The following TRPC4AP variants were observed in gnomAD, a reference collection of about 807,000 sequenced individuals.
The protein encoded by TRPC4AP is transient receptor potential cation channel subfamily C member 4 associated protein.
TRPC4AP carries 45 observed loss-of-function variants against 99.0 expected under a neutral mutation model. That is an observed-to-expected ratio of 0.45 (90% CI 0.36 to 0.58). TRPC4AP has a LOEUF of 0.58. Among genes scored for constraint, TRPC4AP ranks in the 20% least tolerant of loss-of-function variants. TRPC4AP has a pLI of 0.00. For missense variants in TRPC4AP, 879 were observed against 985.3 expected, an observed-to-expected ratio of 0.89 and a Z score of 1.44; for synonymous variants, 408 against 385.8, an observed-to-expected ratio of 1.06 and a Z score of -0.67.
At chr20:35,076,077 C>T (rs537363627) in intron 2 of TRPC4AP, among the ~76,000 whole-genome samples, 2 of 152,250 alleles carry the variant, frequency 1.3e-5, no homozygotes, top group African/African-American at 2.4e-5. Context: ...GCATGCGTCA[C>T]GTAGTTTTCG....
In TRPC4AP at chr20:35,049,521, A is replaced by G. The variant is rs1038390373; in HGVS notation, c.657+345T>C. ...TAAGAGAATGGAGTCACTGCATAGC[A>G]TACAATAGCACATACATGCTACAAA... On this transcript the variant is annotated intron_variant, in intron 6 of 18. Transcript: ENST00000252015. Among the ~76,000 whole-genome samples the G allele has an allele frequency of 9.8e-5, 15 of 152,346 alleles. No individual in the cohort carries two copies. The Middle Eastern group carries it at 0.014, about 138-fold the overall frequency.
At chr20:35,074,155 C>A (rs536912281) in intron 2 of TRPC4AP, among the ~76,000 whole-genome samples, 1 of 151,958 alleles carries the variant, frequency 6.6e-6, no homozygotes, top group African/African-American at 2.4e-5. Flanking sequence ...CTATTTGATT[C>A]TTCTCTCTTT....
At chr20:35,043,147 A>G (rs2083478178) in intron 7 of TRPC4AP, among the ~76,000 whole-genome samples, 1 of 152,008 alleles carries the variant, frequency 6.6e-6, no homozygotes, top group Non-Finnish European at 1.5e-5. Flanking sequence ...AAGCTACACA[A>G]TTTTCCATTA....
At chr20:35,077,972 GA>G (rs200883608) in intron 2 of TRPC4AP, 73 bp downstream of exon 2, 29,546 of 1,302,848 alleles carry the variant, frequency 0.023, 340 homozygotes, top group South Asian at 0.058. Context: ...CAACGGAAGG[GA>G]AAAAAAAAAC....
At chr20:35,020,403 G>A (rs974011202) in intron 9 of TRPC4AP, among the ~76,000 whole-genome samples, 2 of 152,094 alleles carry the variant, frequency 1.3e-5, no homozygotes, top group Admixed American at 6.5e-5. Flanking sequence ...GCTGTCCCGC[G>A]CTGCCTCACT....
intron 8 of TRPC4AP, among the ~76,000 whole-genome samples, chr20:35,027,911 A>G (rs948516628): frequency 6.6e-6 from 1 of 152,128 alleles, no homozygotes; most frequent in Non-Finnish European, 1.5e-5. Context: ...TGTGGCTAAA[A>G]GTTTGTCAAC....
intron 1 of TRPC4AP, among the ~76,000 whole-genome samples, chr20:35,087,638 T>C (rs1385684969): frequency 1.3e-5 from 2 of 152,166 alleles, no homozygotes; most frequent in African/African-American, 2.4e-5. Flanking sequence ...GAATCCAGAA[T>C]TGATTCTATC....
At chr20:35,008,400 G>T (rs550089873) in intron 13 of TRPC4AP, among the ~76,000 whole-genome samples, 1 of 152,102 alleles carries the variant, frequency 6.6e-6, no homozygotes. Context: ...GGCAGGGCCC[G>T]TATCCTAGTT....
chr20:35,090,813 G>T lies in TRPC4AP; in HGVS notation c.168+1801C>A, dbSNP rs78992288. Among the ~76,000 whole-genome samples, 667 of 152,270 alleles carry T rather than the reference G, an allele frequency of 4.4e-3. 3 individuals are homozygous for T. The highest frequency in any genetic ancestry group is 0.015 in the African/African-American group (640 of 41,542). ...TTCTCAGAACACTGATTATCAGGAT[G>T]GGTGTTTAGGAACATATCATCTAAC... On this transcript the variant is annotated intron_variant, in intron 1 of 18. Transcript: ENST00000252015.
chr20:35,076,778 C>T (rs2084490670), intron 2 of TRPC4AP, among the ~76,000 whole-genome samples: 1 of 152,176 alleles, frequency 6.6e-6, no homozygotes, highest in Non-Finnish European at 1.5e-5. Context: ...AGAACCACTA[C>T]TCTCTTCAAA....
intron 10 of TRPC4AP, among the ~76,000 whole-genome samples, chr20:35,014,104 G>C (rs2082697060): frequency 6.6e-6 from 1 of 152,182 alleles, no homozygotes; most frequent in Admixed American, 6.5e-5. Context: ...GCCCGCCTTG[G>C]CCTCTCAAAG....
intron 1 of TRPC4AP, among the ~76,000 whole-genome samples, chr20:35,084,097 C>T (rs1012861010): frequency 6.6e-6 from 1 of 151,720 alleles, no homozygotes. Flanking sequence ...GTCAGGAGTT[C>T]GAGACCAGCC....
intron 1 of TRPC4AP, among the ~76,000 whole-genome samples, chr20:35,087,935 G>C (rs1004575370): frequency 1.3e-5 from 2 of 152,168 alleles, no homozygotes; most frequent in Non-Finnish European, 2.9e-5. Context: ...AGGTCTGATG[G>C]AAAAGGGAGA....
chr20:35,026,830 T>C (rs891431138), intron 8 of TRPC4AP, among the ~76,000 whole-genome samples: 1 of 152,176 alleles, frequency 6.6e-6, no homozygotes, highest in Non-Finnish European at 1.5e-5. Flanking sequence ...ATAAATAAAA[T>C]TGTTTTCTTA....
Position 35,003,292 on chromosome 20 carries a change from A to AGAGG in TRPC4AP, c.2257-13_2257-10dup, listed in dbSNP as rs1244084195. On this transcript the variant is annotated splice_polypyrimidine_tract_variant and intron_variant, in intron 18 of 18. Coordinates refer to ENST00000252015, the MANE Select transcript of TRPC4AP (RefSeq NM_015638.3). The stretch of plus-strand genomic sequence containing the variant: ...AAGCTGATGCAGGAGCTCTGGGCAA[A>AGAGG]GAGGGAGGGGCTGGGGGGCGCCTGG... 1 of 1,612,886 alleles carries AGAGG rather than the reference A, an allele frequency of 6.2e-7. No homozygotes were observed. Among genetic ancestry groups the AGAGG allele is most frequent in the Non-Finnish European group, 8.5e-7 (1 of 1,179,438 alleles).
intron 7 of TRPC4AP, among the ~76,000 whole-genome samples, chr20:35,038,038 A>G (rs1447238922): frequency 6.6e-6 from 1 of 151,682 alleles, no homozygotes; most frequent in African/African-American, 2.4e-5. Flanking sequence ...CAGAGAAAAA[A>G]GCAGAATGGT....
intron 10 of TRPC4AP, 63 bp downstream of exon 10, chr20:35,015,945 G>C: frequency 1.2e-6 from 2 of 1,600,708 alleles, no homozygotes; most frequent in Non-Finnish European, 1.7e-6. Context: ...GTCAGCAGCA[G>C]GTCTTGAAAC....
At chr20:35,039,692 G>C (rs2083404665) in intron 7 of TRPC4AP, among the ~76,000 whole-genome samples, 1 of 151,970 alleles carries the variant, frequency 6.6e-6, no homozygotes, top group East Asian at 1.9e-4. Flanking sequence ...CTTATAAATT[G>C]ACAATTATCT....
At chr20:35,008,826 G>A (rs6088673) in intron 12 of TRPC4AP, 79 bp from the exon 13 acceptor site, 71 of 1,359,840 alleles carry the variant, frequency 5.2e-5, no homozygotes, top group Non-Finnish European at 7.0e-5. Flanking sequence ...TGCTGGCTTA[G>A]GCGGTGAAAA....
Sources: gnomAD v4.1 joint callset for allele counts (sites outside exome capture counted in the v4.1 genomes callset) on GRCh38, gnomAD v4.1.1 for gene constraint, MANE v1.5 for transcripts, NCBI Gene and HGNC (gene_info 2026-07-23, HGNC 2026-07-21) for gene names.